SCP2: variants seen among roughly 807,000 people sequenced by gnomAD.
The protein encoded by SCP2 is SCP-2/3-oxoacyl-CoA thiolase.
Under a neutral mutation model 71.4 loss-of-function variants are expected in SCP2, and 48 were observed. The ratio of observed to expected loss-of-function variants is 0.67; its 90% CI spans 0.53 to 0.86. The LOEUF (loss-of-function observed/expected upper bound fraction) is 0.86. Ranked by LOEUF, SCP2 falls within the 40% of genes least tolerant of loss-of-function variation. The pLI, the probability that SCP2 is intolerant of heterozygous loss-of-function variation, is 0.00. For synonymous variants in SCP2, 220 were observed against 218.1 expected, an observed-to-expected ratio of 1.01 and a Z score of -0.08; for missense variants, 560 against 655.6, an observed-to-expected ratio of 0.85 and a Z score of 1.59.
chr1:53,037,469 C>A (rs1663038814), intron 13 of SCP2, among the ~76,000 whole-genome samples: 1 of 150,828 alleles, frequency 6.6e-6, no homozygotes, highest in African/African-American at 2.4e-5. Flanking sequence ...GTGCCTGTAA[C>A]AATATTTGGC....
In SCP2 at chr1:52,976,689, C is replaced by A; in HGVS notation, c.594C>A (p.Ser198=). The change falls in exon 8 of 16, where the codon TCC becomes TCA. Residue 198 remains serine (S), a synonymous_variant. Transcript: ENST00000371514. ...ATATTTATTTTGTATTTAGGTATTCCCAGTTCCAAGATGAATACAGTTTAG... is the reference window on the plus strand; with the variant it reads ...ATATTTATTTTGTATTTAGGTATTCACAGTTCCAAGATGAATACAGTTTAG... The part of the protein sequence containing the change: ...NHKHSVNNPY[S]QFQDEYSLDE... The A allele has an allele frequency of 1.3e-6, 2 of 1,524,896 alleles. No individual in the cohort carries two copies. Among genetic ancestry groups the A allele is most frequent in the Middle Eastern group, 1.7e-4 (1 of 5,866 alleles). The allele number at this position is 1,524,896 out of a possible 1,614,324, so 94.5% of individuals were successfully genotyped here.
chr1:53,007,626 C>T (rs1249242709), intron 11 of SCP2, among the ~76,000 whole-genome samples: 1 of 152,126 alleles, frequency 6.6e-6, no homozygotes, highest in African/African-American at 2.4e-5. Context: ...ACATTTAAAG[C>T]AGTGTGTAGA....
intron 1 of SCP2, among the ~76,000 whole-genome samples, chr1:52,940,819 C>T (rs1318055428): frequency 2.6e-5 from 4 of 152,104 alleles, no homozygotes; most frequent in South Asian, 2.1e-4. Flanking sequence ...GGCACTATCT[C>T]GGCTCACTGC....
intron 1 of SCP2, among the ~76,000 whole-genome samples, chr1:52,930,409 G>T (rs1173483690): frequency 1.3e-5 from 2 of 151,806 alleles, no homozygotes; most frequent in East Asian, 3.9e-4. Flanking sequence ...TGTATCTCTT[G>T]AGCCCAGGGT....
chr1:53,003,018 A>G (rs999548296), intron 11 of SCP2, among the ~76,000 whole-genome samples: 1 of 152,154 alleles, frequency 6.6e-6, no homozygotes, highest in Non-Finnish European at 1.5e-5. Flanking sequence ...ACCTTTCATC[A>G]TATCCTCCAG....
chr1:52,927,386 C>G lies in SCP2; in HGVS notation c.-11C>G, dbSNP rs746822872. On this transcript the variant is annotated 5_prime_UTR_variant, in exon 1 of 16. Coordinates refer to ENST00000371514, the MANE Select transcript of SCP2 (RefSeq NM_002979.5). ...CCGCGGCGCCCGCCCCGGTCCCGCA[C>G]TGGTGCAGCCATGTCCTCTTCCCCG... The G allele has an allele frequency of 2.5e-6, 4 of 1,582,094 alleles. No homozygotes were observed. The highest frequency in any genetic ancestry group is 1.7e-6 in the Non-Finnish European group (2 of 1,165,260).
intron 15 of SCP2, chr1:53,048,145 C>T (rs768145896): frequency 6.1e-5 from 33 of 543,554 alleles, no homozygotes; most frequent in East Asian, 4.4e-4. Context: ...AAAGTTCCCA[C>T]GCTCAGGGCA....
intron 8 of SCP2, among the ~76,000 whole-genome samples, chr1:52,977,623 T>C (rs1052585945): frequency 6.6e-6 from 1 of 152,230 alleles, no homozygotes; most frequent in Admixed American, 6.5e-5. Context: ...CCTCAGAAGA[T>C]GCCTTATGCA....
chr1:52,994,082 T>A, intron 11 of SCP2: 1 of 1,069,736 alleles, frequency 9.3e-7, no homozygotes, highest in East Asian at 7.6e-5. Context: ...CAGACATTAT[T>A]TTAAAACTAT....
In SCP2 at chr1:52,932,497, C is replaced by T. The variant is rs563963795; in HGVS notation, c.69+5032C>T. 7.2e-4 allele frequency among the ~76,000 whole-genome samples: 110 copies of T among 152,144 alleles called. 1 individual carries two copies. The South Asian group carries it at 0.011, about 15-fold the overall frequency. ...AGAATGAATGTGTCCACCAAAATGG[C>T]GGCGTAAACCAAGGAAGAAGATACT... On this transcript the variant is annotated intron_variant, in intron 1 of 15. Coordinates refer to ENST00000371514, the MANE Select transcript of SCP2 (RefSeq NM_002979.5).
chr1:53,030,455 CA>C (rs1456896444), intron 13 of SCP2, among the ~76,000 whole-genome samples: 1 of 152,166 alleles, frequency 6.6e-6, no homozygotes, highest in African/African-American at 2.4e-5. Context: ...TACTAACTTA[CA>C]AACATTACCA....
At chr1:52,938,646 G>T (rs1052139136) in intron 1 of SCP2, among the ~76,000 whole-genome samples, 2 of 152,124 alleles carry the variant, frequency 1.3e-5, no homozygotes, top group East Asian at 1.9e-4. Flanking sequence ...ACTTTTAAGA[G>T]AAATTTTAGG....
intron 11 of SCP2, among the ~76,000 whole-genome samples, chr1:52,989,813 T>C (rs1659311840): frequency 1.3e-5 from 2 of 152,062 alleles, no homozygotes; most frequent in Admixed American, 1.3e-4. Context: ...AGGATGTCCA[T>C]AGGGGGCTTT....
intron 13 of SCP2, among the ~76,000 whole-genome samples, chr1:53,037,906 A>ACACACACACACCCCCC (rs1287690634): frequency 5.5e-5 from 7 of 127,652 alleles, no homozygotes; most frequent in African/African-American, 2.3e-4. Flanking sequence ...ACACACACAC[A>ACACACACACACCCCCC]CACACACACA....
At chr1:52,991,510 TCTGCCTCAGC>T in intron 11 of SCP2, among the ~76,000 whole-genome samples, 1 of 152,316 alleles carries the variant, frequency 6.6e-6, no homozygotes, top group East Asian at 1.9e-4. Context: ...AAGCGATTCT[TCTGCCTCAGC>T]CTCCCAAGTA....
chr1:52,979,517 AT>A (rs1214444755), intron 9 of SCP2, among the ~76,000 whole-genome samples: 1 of 152,084 alleles, frequency 6.6e-6, no homozygotes, highest in Non-Finnish European at 1.5e-5. Flanking sequence ...AAGAAAAGTT[AT>A]TTTATTATTT....
chr1:53,024,733 G>A (rs1661997250), intron 12 of SCP2, among the ~76,000 whole-genome samples: 1 of 151,646 alleles, frequency 6.6e-6, no homozygotes, highest in Non-Finnish European at 1.5e-5. Flanking sequence ...CACAATGCCC[G>A]GCTAATTTTT....
At chr1:52,971,319 T>A (rs1232654859) in intron 6 of SCP2, among the ~76,000 whole-genome samples, 1 of 152,170 alleles carries the variant, frequency 6.6e-6, no homozygotes, top group Non-Finnish European at 1.5e-5. Context: ...CTCAATTACC[T>A]GGAAATCCTG....
intron 6 of SCP2, among the ~76,000 whole-genome samples, chr1:52,972,183 C>T (rs1657558776): frequency 6.6e-6 from 1 of 152,080 alleles, no homozygotes; most frequent in Non-Finnish European, 1.5e-5. Context: ...TGTAAGAAAG[C>T]TTATAGTAGT....
Sources: gnomAD v4.1 joint callset for allele counts (sites outside exome capture counted in the v4.1 genomes callset) on GRCh38, gnomAD v4.1.1 for gene constraint, MANE v1.5 for transcripts, NCBI Gene and HGNC (gene_info 2026-07-23, HGNC 2026-07-21) for gene names.